WWOX: variants seen among roughly 807,000 people sequenced by gnomAD.
WWOX encodes the protein WW domain-containing oxidoreductase.
WWOX carries 69 observed loss-of-function variants against 46.2 expected under a neutral mutation model. The ratio of observed to expected loss-of-function variants is 1.49; its 90% confidence interval spans 1.23 to 1.82. The LOEUF (loss-of-function observed/expected upper bound fraction) is 1.82, where lower values mean the gene tolerates loss of function less well. Ranked by LOEUF, WWOX falls within the 40% of genes most tolerant of loss-of-function variation. WWOX has a pLI of 0.00. For synonymous variants in WWOX, 359 were observed against 202.6 expected (o/e 1.77, Z -6.56); for missense variants, 919 against 542.6 (o/e 1.69, Z -6.89).
intron 7 of WWOX, among the ~76,000 whole-genome samples, chr16:78,431,804 C>T (rs1463546260): frequency 6.6e-6 from 1 of 151,926 alleles, no homozygotes; most frequent in Non-Finnish European, 1.5e-5. Flanking sequence ...GCAACGTTGA[C>T]CTCCCAGGCT....
At position 78,900,366 on chromosome 16, in the gene WWOX, A is replaced by G. The variant is rs142144730; in HGVS notation, c.1057-311242A>G. On this transcript the variant is annotated intron_variant, in intron 8 of 8. Transcript: ENST00000566780. Reference sequence around the variant, plus strand: ...CTGTCACTCAAGTATGCACGCTCATATTATTAAAAACTGTGCATGTAATTT... The same window carrying G: ...CTGTCACTCAAGTATGCACGCTCATGTTATTAAAAACTGTGCATGTAATTT... 5.8e-3 allele frequency among the ~76,000 whole-genome samples: 881 copies of G among 152,280 alleles called. 8 individuals are homozygous for G. Among genetic ancestry groups the G allele is most frequent in the African/African-American group, 0.02 (840 of 41,570 alleles).
intron 8 of WWOX, among the ~76,000 whole-genome samples, chr16:78,926,268 G>T (rs142362942): frequency 6.6e-6 from 1 of 152,086 alleles, no homozygotes; most frequent in Non-Finnish European, 1.5e-5. Context: ...AGCTACCTGG[G>T]AGGCTAAAGT....
intron 5 of WWOX, among the ~76,000 whole-genome samples, chr16:78,337,952 GTAAGAGA>G (rs1310254503): frequency 1.5e-3 from 179 of 117,786 alleles, no homozygotes; most frequent in Non-Finnish European, 2.2e-3. Flanking sequence ...GTCTTCATCA[GTAAGAGA>G]CCTCACAAGA....
chr16:79,173,661 G>C (rs1238836758), intron 8 of WWOX, among the ~76,000 whole-genome samples: 2 of 150,176 alleles, frequency 1.3e-5, no homozygotes, highest in African/African-American at 2.4e-5. Flanking sequence ...AACCCACCTA[G>C]TGAAACCTTA....
At chr16:78,371,126 G>T (rs1381367535) in intron 5 of WWOX, among the ~76,000 whole-genome samples, 7 of 151,784 alleles carry the variant, frequency 4.6e-5, no homozygotes, top group Non-Finnish European at 1.0e-4. Flanking sequence ...ACATACCTAG[G>T]TAATTTTACT....
At chr16:78,843,964 T>G (rs1053523219) in intron 8 of WWOX, among the ~76,000 whole-genome samples, 1 of 152,098 alleles carries the variant, frequency 6.6e-6, no homozygotes, top group Admixed American at 6.5e-5. Context: ...TTCCTAATTA[T>G]GTGTAATTAG....
chr16:78,864,495 C>T (rs1394273892), intron 8 of WWOX, among the ~76,000 whole-genome samples: 1 of 152,084 alleles, frequency 6.6e-6, no homozygotes, highest in Non-Finnish European at 1.5e-5. Flanking sequence ...TCTTACACTC[C>T]TGGGATCAGG....
At chr16:78,641,204 A>G (rs910809506) in intron 8 of WWOX, among the ~76,000 whole-genome samples, 1 of 151,474 alleles carries the variant, frequency 6.6e-6, no homozygotes, top group Non-Finnish European at 1.5e-5. Flanking sequence ...CGCTGTGTTT[A>G]TTTTTTTTCA....
rs186568467 is a variant in WWOX, at chr16:78,746,485, T to C, written c.1056+313733T>C. On this transcript the variant is annotated intron_variant, in intron 8 of 8. Coordinates refer to ENST00000566780, the MANE Select transcript of WWOX (RefSeq NM_016373.4). ...TACACTCCAGTACACTCCAGGACTT[T>C]AGGCCTGCTAAAGTGCATTGTAGTA... Among the ~76,000 whole-genome samples the C allele has an allele frequency of 8.1e-4, 124 of 152,266 alleles. 1 individual carries two copies. The Middle Eastern group carries it at 0.024, about 29-fold the overall frequency.
chr16:78,418,425 A>G (rs2082848203), intron 6 of WWOX, among the ~76,000 whole-genome samples: 1 of 152,132 alleles, frequency 6.6e-6, no homozygotes, highest in South Asian at 2.1e-4. Flanking sequence ...AAAAAACAGA[A>G]GAGGAGGAAA....
chr16:78,420,301 T>C (rs1297298754), intron 6 of WWOX, among the ~76,000 whole-genome samples: 4 of 152,186 alleles, frequency 2.6e-5, no homozygotes, highest in African/African-American at 7.2e-5. Flanking sequence ...TGCATTTCCA[T>C]AGCATCTTAC....
intron 5 of WWOX, among the ~76,000 whole-genome samples, chr16:78,217,883 A>G (rs558020509): frequency 2.0e-5 from 3 of 152,254 alleles, no homozygotes; most frequent in African/African-American, 7.2e-5. Flanking sequence ...ATGACCCTCA[A>G]AGATCCTTCC....
At chr16:78,682,777 C>T (rs116118576) in intron 8 of WWOX, among the ~76,000 whole-genome samples, 1,748 of 152,234 alleles carry the variant, frequency 0.011, 25 homozygotes, top group African/African-American at 0.039. Flanking sequence ...TAATTTGGAG[C>T]CAGTACTTCT....
At chr16:79,069,318 C>G (rs1173264676) in intron 8 of WWOX, among the ~76,000 whole-genome samples, 1 of 152,202 alleles carries the variant, frequency 6.6e-6, no homozygotes, top group African/African-American at 2.4e-5. Flanking sequence ...CATTAATCAC[C>G]ACCAAGCCAA....
intron 8 of WWOX, among the ~76,000 whole-genome samples, chr16:78,989,048 G>T (rs773680779): frequency 2.0e-5 from 3 of 152,168 alleles, no homozygotes; most frequent in Non-Finnish European, 4.4e-5. Flanking sequence ...CGATGATTCA[G>T]AGTAAGCCAT....
At chr16:78,247,498 G>A (rs899320278) in intron 5 of WWOX, among the ~76,000 whole-genome samples, 1 of 152,010 alleles carries the variant, frequency 6.6e-6, no homozygotes, top group East Asian at 1.9e-4. Context: ...AGCTGACCAG[G>A]GAGGTAACAC....
At chr16:78,138,640 C>T (rs1271297387) in intron 4 of WWOX, among the ~76,000 whole-genome samples, 2 of 152,158 alleles carry the variant, frequency 1.3e-5, no homozygotes, top group African/African-American at 2.4e-5. Flanking sequence ...TTTTTCCTTT[C>T]TGCATGGTCA....
chr16:79,175,767 A>G (rs2150776852), intron 8 of WWOX, among the ~76,000 whole-genome samples: 1 of 152,312 alleles, frequency 6.6e-6, no homozygotes. Flanking sequence ...CGACTTACAC[A>G]TTCCCATGGG....
intron 8 of WWOX, among the ~76,000 whole-genome samples, chr16:78,617,476 C>A (rs1366858375): frequency 6.6e-6 from 1 of 151,644 alleles, no homozygotes; most frequent in African/African-American, 2.4e-5. Flanking sequence ...ATTGATCGTT[C>A]ATTCACAATG....
Sources: allele counts gnomAD v4.1 joint callset (sites outside exome capture counted in the v4.1 genomes callset), GRCh38; gene constraint gnomAD v4.1.1; transcripts MANE v1.5; gene names NCBI Gene and HGNC (gene_info 2026-07-23, HGNC 2026-07-21).